CLNK: variants seen among roughly 807,000 people sequenced by gnomAD.
The protein encoded by CLNK is cytokine-dependent hematopoietic cell linker.
CLNK carries 74 observed loss-of-function variants against 68.6 expected under a neutral mutation model. The ratio of observed to expected loss-of-function variants is 1.08; its 90% CI spans 0.89 to 1.31. The LOEUF is 1.31. Ranked by LOEUF, CLNK falls within the 50% of genes most tolerant of loss-of-function variation. The pLI, the probability that CLNK is intolerant of heterozygous loss-of-function variation, is 0.00. For missense variants in CLNK, 553 were observed against 515.3 expected (o/e 1.07, Z -0.71); for synonymous variants, 198 against 172.2 (o/e 1.15, Z -1.17).
At chr4:10,564,880 G>A (rs907580789) in intron 6 of CLNK, 103 bp from the exon 7 acceptor site, 30 of 730,004 alleles carry the variant, frequency 4.1e-5, no homozygotes, top group African/African-American at 1.2e-4. Flanking sequence ...TCATTACAAC[G>A]TAAGTAAGAG....
At chr4:10,683,834 G>A (rs1405996454) in intron 1 of CLNK, among the ~76,000 whole-genome samples, 1 of 152,140 alleles carries the variant, frequency 6.6e-6, no homozygotes, top group Non-Finnish European at 1.5e-5. Context: ...CAACACTATT[G>A]AGGAGCTGCG....
At chr4:10,550,825 C>G (rs1217240386) in intron 8 of CLNK, among the ~76,000 whole-genome samples, 3 of 152,154 alleles carry the variant, frequency 2.0e-5, no homozygotes, top group Non-Finnish European at 4.4e-5. Context: ...AAAGGAATCA[C>G]TTTACATCTT....
At chr4:10,545,267 A>C (rs925834330) in intron 8 of CLNK, among the ~76,000 whole-genome samples, 16 of 152,182 alleles carry the variant, frequency 1.1e-4, no homozygotes, top group Non-Finnish European at 2.4e-4. Context: ...TCCAAGATGC[A>C]ATTGTGGGGC....
At chr4:10,591,604 C>G (rs535765024) in intron 3 of CLNK, among the ~76,000 whole-genome samples, 2 of 152,352 alleles carry the variant, frequency 1.3e-5, no homozygotes, top group Admixed American at 1.3e-4. Flanking sequence ...CAGAGATACA[C>G]TGCAGATCAT....
chr4:10,530,823 C>G (rs1323420438), intron 12 of CLNK, among the ~76,000 whole-genome samples: 1 of 152,158 alleles, frequency 6.6e-6, no homozygotes, highest in Non-Finnish European at 1.5e-5. Context: ...CCCCCAGCAG[C>G]TGAGCATCAC....
At chr4:10,658,967 G>T (rs1259656717) in intron 2 of CLNK, among the ~76,000 whole-genome samples, 1 of 152,104 alleles carries the variant, frequency 6.6e-6, no homozygotes, top group African/African-American at 2.4e-5. Flanking sequence ...AATTTGGGAG[G>T]TGAGGCGGGT....
intron 12 of CLNK, chr4:10,531,681 T>A (rs556369599): frequency 6.6e-6 from 3 of 455,716 alleles, no homozygotes; most frequent in Admixed American, 4.7e-5. Context: ...CCTCAGGTGA[T>A]CCGCCCACCT....
At chr4:10,541,764 A>T (rs997131955) in intron 10 of CLNK, among the ~76,000 whole-genome samples, 5 of 152,196 alleles carry the variant, frequency 3.3e-5, no homozygotes, top group African/African-American at 1.2e-4. Flanking sequence ...GGAGGAATAC[A>T]TTCATTGAGA....
At chr4:10,723,030 C>T in the CLNK span, among the ~76,000 whole-genome samples, 16 of 151,288 alleles carry the variant, frequency 1.1e-4, no homozygotes, top group African/African-American at 3.9e-4. Flanking sequence ...GGAGACAGAG[C>T]GAGACTCTGT....
At chr4:10,657,854 C>T (rs890169476) in intron 2 of CLNK, among the ~76,000 whole-genome samples, 15 of 152,192 alleles carry the variant, frequency 9.9e-5, no homozygotes, top group African/African-American at 3.6e-4. Flanking sequence ...AAATCAAATT[C>T]CACCATCTAT....
chr4:10,511,292 A>G (rs1464829330), intron 16 of CLNK, among the ~76,000 whole-genome samples: 2 of 152,326 alleles, frequency 1.3e-5, no homozygotes, highest in South Asian at 2.1e-4. Flanking sequence ...GTCACGGGCC[A>G]TGGTCACTCA....
chr4:10,678,486 G>A (rs1724958352), intron 1 of CLNK, among the ~76,000 whole-genome samples: 1 of 152,032 alleles, frequency 6.6e-6, no homozygotes, highest in Non-Finnish European at 1.5e-5. Context: ...TATTTTCAGA[G>A]GATTAGCACA....
chr4:10,706,760 G>T, the CLNK span, among the ~76,000 whole-genome samples: 1 of 152,064 alleles, frequency 6.6e-6, no homozygotes, highest in Non-Finnish European at 1.5e-5. Context: ...CACTGACCAG[G>T]CCAAGCCACC....
Position 10,501,407 on chromosome 4 carries a change from C to G in CLNK, c.989G>C (p.Gly330Ala), listed in dbSNP as rs367796324. The G allele has an allele frequency of 6.2e-7, 1 of 1,607,570 alleles. No homozygotes were observed. Among genetic ancestry groups the G allele is most frequent in the African/African-American group, 1.3e-5 (1 of 74,556 alleles). ...GGAACAATCTCGGACCAAGAAACTA[C>G]CATCCTGAAGCAAAAAGAGTAACAG... ...EEAFMKENKD[G>A]SFLVRDCSTK... Residue 330 changes from glycine (G) to alanine (A), a missense_variant, in exon 18 of 19, where the codon GGT becomes GCT. Transcript: ENST00000226951.
At chr4:10,538,031 C>A (rs1326519989) in intron 11 of CLNK, among the ~76,000 whole-genome samples, 1 of 152,076 alleles carries the variant, frequency 6.6e-6, no homozygotes, top group Non-Finnish European at 1.5e-5. Context: ...AGATACTGTT[C>A]TTTCCAGCAT....
intron 4 of CLNK, among the ~76,000 whole-genome samples, chr4:10,572,939 G>A (rs944434035): frequency 1.1e-4 from 16 of 151,890 alleles, no homozygotes; most frequent in African/African-American, 3.1e-4. Flanking sequence ...AGCGATTCTC[G>A]TGCCTCAGCC....
chr4:10,649,646 A>G (rs1463942151), intron 2 of CLNK, among the ~76,000 whole-genome samples: 1 of 152,150 alleles, frequency 6.6e-6, no homozygotes, highest in Non-Finnish European at 1.5e-5. Flanking sequence ...ACTCTCAAAC[A>G]TTGATACTTA....
In CLNK at chr4:10,540,748, C is replaced by T. The variant is rs140166345; in HGVS notation, c.492-144G>A. 1.0e-3 allele frequency: 635 copies of T among 624,468 alleles called. 4 individuals are homozygous for T. Among genetic ancestry groups the T allele is most frequent in the African/African-American group, 0.01 (553 of 54,492 alleles). 38.7% of individuals were successfully genotyped at this position (624,468 alleles called of 1,614,324 possible). A position where few individuals can be genotyped will look rare whatever the true frequency, so the allele number is the denominator to read the frequency against. On this transcript the variant is annotated intron_variant, in intron 10 of 18. Transcript: ENST00000226951. ...TTTGGATGCTAACTGCGGAGCAGAC[C>T]GATCTGGTCTGGCACTGTTTTCTAA...
chr4:10,556,035 C>T (rs974161907), intron 8 of CLNK, among the ~76,000 whole-genome samples: 4 of 152,210 alleles, frequency 2.6e-5, no homozygotes, highest in African/African-American at 9.6e-5. Context: ...CCTCTCTGAG[C>T]CTTGCTTTCA....
Sources: allele counts gnomAD v4.1 joint callset (sites outside exome capture counted in the v4.1 genomes callset), GRCh38; gene constraint gnomAD v4.1.1; transcripts MANE v1.5; gene names NCBI Gene and HGNC (gene_info 2026-07-23, HGNC 2026-07-21).